The following HOMER1 variants were observed in gnomAD, a reference collection of about 807,000 sequenced individuals.
The protein encoded by HOMER1 is homer protein homolog 1.
Under a neutral mutation model 48.9 loss-of-function variants are expected in HOMER1, and 3 were observed. That is an observed-to-expected ratio of 0.06 (90% confidence interval 0.03 to 0.16). HOMER1 has a LOEUF of 0.16. Among genes scored for constraint, HOMER1 ranks in the 10% least tolerant of loss-of-function variants. HOMER1 has a pLI of 1.00. For synonymous variants in HOMER1, 134 were observed against 146.4 expected (o/e 0.92, Z 0.61); for missense variants, 247 against 411.4 (o/e 0.60, Z 3.46).
intron 1 of HOMER1, among the ~76,000 whole-genome samples, chr5:79,472,297 A>C (rs1426311026): frequency 6.6e-6 from 1 of 152,168 alleles, no homozygotes; most frequent in Admixed American, 6.5e-5. Flanking sequence ...TATTTATAAG[A>C]AAAAAAATTT....
At chr5:79,398,604 CT>C (rs935027812) in intron 6 of HOMER1, among the ~76,000 whole-genome samples, 1 of 151,924 alleles carries the variant, frequency 6.6e-6, no homozygotes, top group Non-Finnish European at 1.5e-5. Flanking sequence ...TAATTATAAT[CT>C]TTTTTTTGTC....
intron 1 of HOMER1, among the ~76,000 whole-genome samples, chr5:79,490,287 AT>A (rs529266756): frequency 1.3e-5 from 2 of 152,012 alleles, no homozygotes. Flanking sequence ...TCTTTTATTT[AT>A]TTTTTTTATT....
Position 79,447,041 on chromosome 5 carries a change from T to C in HOMER1, c.387+12A>G, listed in dbSNP as rs748450321. ...CAAGGTTCATAATTAAGAATAGAAA[T>C]GATATACCCACCTGTGAAGGTGTAC... On this transcript the variant is annotated intron_variant, in intron 4 of 8. Coordinates refer to ENST00000334082, the MANE Select transcript of HOMER1 (RefSeq NM_004272.5). The C allele has an allele frequency of 1.4e-6, 2 of 1,458,736 alleles. No individual in the cohort carries two copies. Among genetic ancestry groups the C allele is most frequent in the South Asian group, 2.3e-5 (2 of 87,904 alleles). 90.4% of individuals were successfully genotyped at this position (1,458,736 alleles called of 1,614,324 possible). A position where few individuals can be genotyped will look rare whatever the true frequency, so the allele number is the denominator to read the frequency against.
At chr5:79,420,729 T>A (rs1374888717) in intron 5 of HOMER1, among the ~76,000 whole-genome samples, 9 of 152,132 alleles carry the variant, frequency 5.9e-5, no homozygotes, top group Admixed American at 4.6e-4. Context: ...TCTTAGAGTT[T>A]CCAGAGCACC....
chr5:79,487,718 G>A (rs906453054), intron 1 of HOMER1, among the ~76,000 whole-genome samples: 3 of 152,148 alleles, frequency 2.0e-5, no homozygotes, highest in Non-Finnish European at 4.4e-5. Flanking sequence ...TAATCCAATA[G>A]TAAAAAAGAC....
intron 1 of HOMER1, among the ~76,000 whole-genome samples, chr5:79,491,438 C>CAA (rs56778843): frequency 0.28 from 15,854 of 56,746 alleles, 2,277 homozygotes; most frequent in East Asian, 0.61. Context: ...GACCTTGTCT[C>CAA]AAAAAAAAAA....
At chr5:79,378,221 T>TTAAAAAAAAAAAAAAAAAAAAAAA (rs756900477) in intron 8 of HOMER1, among the ~76,000 whole-genome samples, 1 of 97,484 alleles carries the variant, frequency 1.0e-5, no homozygotes, top group Non-Finnish European at 1.9e-5. Context: ...AGACTCTGTC[T>TTAAAAAAAAAAAAAAAAAAAAAAA]CAAAAAAAAA....
chr5:79,512,788 A>T lies in HOMER1; in HGVS notation c.-14T>A. On this transcript the variant is annotated 5_prime_UTR_variant, in exon 1 of 9. Transcript: ENST00000334082. ...TCCTTACCCCATTTTGCCCAATGAAAACTTGCTCTGAAGTTTCAGCTCTTA... is the reference window on the plus strand; with the variant it reads ...TCCTTACCCCATTTTGCCCAATGAATACTTGCTCTGAAGTTTCAGCTCTTA... The T allele has an allele frequency of 3.1e-6, 5 of 1,613,472 alleles. No individual in the cohort carries two copies. Among genetic ancestry groups the T allele is most frequent in the Middle Eastern group, 1.6e-4 (1 of 6,062 alleles).
chr5:79,404,879 T>A (rs909984466), intron 5 of HOMER1, among the ~76,000 whole-genome samples: 4 of 149,894 alleles, frequency 2.7e-5, no homozygotes, highest in African/African-American at 7.4e-5. Context: ...TTTTTTTTTT[T>A]AATATTTTTA....
chr5:79,495,819 A>G (rs970436068), intron 1 of HOMER1, among the ~76,000 whole-genome samples: 5 of 152,244 alleles, frequency 3.3e-5, no homozygotes, highest in Admixed American at 2.0e-4. Context: ...ATTCCAATCA[A>G]TTAACTGTCA....
At chr5:79,435,919 G>A (rs1244590255) in intron 5 of HOMER1, among the ~76,000 whole-genome samples, 3 of 148,762 alleles carry the variant, frequency 2.0e-5, no homozygotes, top group Admixed American at 1.3e-4. Flanking sequence ...GAGGTCGGGA[G>A]ATCGAGACCA....
chr5:79,462,015 A>G (rs1038928316), intron 1 of HOMER1, among the ~76,000 whole-genome samples: 7 of 152,186 alleles, frequency 4.6e-5, no homozygotes, highest in Admixed American at 2.0e-4. Flanking sequence ...CCTGGGCAAC[A>G]TGGTAAAACC....
At chr5:79,456,748 G>T (rs1230708280) in intron 2 of HOMER1, 114 bp downstream of exon 2, 33 of 927,420 alleles carry the variant, frequency 3.6e-5, no homozygotes, top group African/African-American at 5.0e-5. Flanking sequence ...AAAGTTTTAA[G>T]AACTCAAAAG....
At chr5:79,486,984 G>C (rs1752122619) in intron 1 of HOMER1, among the ~76,000 whole-genome samples, 1 of 152,120 alleles carries the variant, frequency 6.6e-6, no homozygotes, top group Admixed American at 6.5e-5. Context: ...ATAGTTCATT[G>C]AAAGAATACA....
At chr5:79,481,976 T>G (rs987662736) in intron 1 of HOMER1, among the ~76,000 whole-genome samples, 28 of 152,184 alleles carry the variant, frequency 1.8e-4, no homozygotes, top group African/African-American at 6.8e-4. Flanking sequence ...ACCAGCATTT[T>G]GGGAGGCCAA....
chr5:79,420,670 A>G (rs1424203567), intron 5 of HOMER1, among the ~76,000 whole-genome samples: 1 of 152,230 alleles, frequency 6.6e-6, no homozygotes, highest in Non-Finnish European at 1.5e-5. Context: ...TAAAGGAAGT[A>G]TCACATCAGA....
chr5:79,404,032 C>G (rs998328449), intron 5 of HOMER1, among the ~76,000 whole-genome samples: 6 of 152,288 alleles, frequency 3.9e-5, no homozygotes, highest in Middle Eastern at 3.4e-3. Flanking sequence ...TTCACCTGCT[C>G]TAACTGAATT....
intron 1 of HOMER1, among the ~76,000 whole-genome samples, chr5:79,471,582 A>G (rs1252968166): frequency 6.6e-6 from 1 of 151,820 alleles, no homozygotes; most frequent in Non-Finnish European, 1.5e-5. Flanking sequence ...AAGAAAGAAA[A>G]AAATGGCCTA....
intron 1 of HOMER1, among the ~76,000 whole-genome samples, chr5:79,493,372 A>G (rs1260825482): frequency 6.6e-6 from 1 of 152,078 alleles, no homozygotes; most frequent in Non-Finnish European, 1.5e-5. Flanking sequence ...TCTATTCCCA[A>G]GGCTCTGACC....
Sources: gnomAD v4.1 joint callset for allele counts (sites outside exome capture counted in the v4.1 genomes callset) on GRCh38, gnomAD v4.1.1 for gene constraint, MANE v1.5 for transcripts, NCBI Gene and HGNC (gene_info 2026-07-23, HGNC 2026-07-21) for gene names.